The following HYDIN variants were observed in gnomAD, a reference collection of about 807,000 sequenced individuals.
The protein encoded by HYDIN is axonemal central pair apparatus protein HYDIN.
A neutral mutation model predicts 403.9 loss-of-function variants in HYDIN; 132 were observed. That is an observed-to-expected ratio of 0.33 (90% CI 0.28 to 0.38). The LOEUF (loss-of-function observed/expected upper bound fraction) is 0.38. HYDIN is among the 10% of genes least tolerant of loss of function. HYDIN has a pLI of 1.00. For missense variants in HYDIN, 2,827 were observed against 5,009.5 expected (o/e 0.56, Z 13.15); for synonymous variants, 1,202 against 1,891.7 (o/e 0.64, Z 9.46).
At position 71,178,894 on chromosome 16, in the gene HYDIN, G is replaced by C. The variant is rs771718210; in HGVS notation, c.381+34C>G. ...ACTTTAACCCATTCTCATATATCCT[G>C]GAACAGTTCACCCACCCCAGTGAAC... is the stretch of plus-strand genomic sequence containing the variant. On this transcript the variant is annotated intron_variant, in intron 4 of 85. Coordinates refer to ENST00000393567, the MANE Select transcript of HYDIN (RefSeq NM_001270974.2). The C allele has an allele frequency of 2.2e-5, 35 of 1,585,810 alleles. No homozygotes were observed. The Admixed American group carries it at 5.9e-4, about 27-fold the overall frequency.
chr16:70,841,369 T>A (rs2037807946), intron 75 of HYDIN, among the ~76,000 whole-genome samples: 1 of 152,108 alleles, frequency 6.6e-6, no homozygotes, highest in Non-Finnish European at 1.5e-5. Context: ...CTGAAAAAGT[T>A]CTCAAAAGGA....
rs182915918 is a variant in HYDIN at position 70,960,778 on chromosome 16, G to A, written c.5969-958C>T. ...ACAATCTTGGCTCACTGCAACCTCC[G>A]CCTCCCGGGTTCAAGTGATTCTCCT... On this transcript the variant is annotated intron_variant, in intron 38 of 85. Transcript: ENST00000393567. 9.9e-3 allele frequency among the ~76,000 whole-genome samples: 1,513 copies of A among 152,148 alleles called. 12 individuals are homozygous for A. Among genetic ancestry groups the A allele is most frequent in the Non-Finnish European group, 0.015 (1,051 of 68,000 alleles).
intron 1 of HYDIN, among the ~76,000 whole-genome samples, chr16:71,223,393 CTCT>C (rs1320103679): frequency 6.6e-6 from 1 of 152,134 alleles, no homozygotes; most frequent in Non-Finnish European, 1.5e-5. Context: ...ATTGGAAAAA[CTCT>C]TCTTCTGGCA....
At chr16:70,895,899 A>T (rs1163276731) in intron 54 of HYDIN, 82 bp downstream of exon 54, 11 of 1,477,388 alleles carry the variant, frequency 7.4e-6, no homozygotes, top group Non-Finnish European at 9.9e-6. Flanking sequence ...TACTAACAAC[A>T]CACTAGCCTT....
intron 44 of HYDIN, among the ~76,000 whole-genome samples, 159 bp downstream of exon 44, chr16:70,938,455 G>A (rs1321602309): frequency 6.6e-6 from 1 of 152,216 alleles, no homozygotes. Context: ...TTGATGGGCG[G>A]GATGCATCTT....
intron 41 of HYDIN, among the ~76,000 whole-genome samples, chr16:70,949,516 G>C (rs1444987093): frequency 6.6e-6 from 1 of 152,106 alleles, no homozygotes; most frequent in Non-Finnish European, 1.5e-5. Flanking sequence ...TTTCTAACTG[G>C]TGCTTTCCTG....
chr16:70,994,807 G>A (rs1002392519), intron 23 of HYDIN, among the ~76,000 whole-genome samples: 15 of 148,454 alleles, frequency 1.0e-4, no homozygotes, highest in South Asian at 2.1e-4. Context: ...AAAATCAGCC[G>A]AGGACAATTC....
chr16:71,027,111 C>T (rs2080734222), intron 20 of HYDIN: 9 of 1,030,920 alleles, frequency 8.7e-6, no homozygotes, highest in Middle Eastern at 9.3e-4. Context: ...ATCAGAGTTG[C>T]TGAAGATAAA....
intron 41 of HYDIN, among the ~76,000 whole-genome samples, chr16:70,949,905 C>T (rs1413702283): frequency 6.6e-6 from 1 of 152,244 alleles, no homozygotes; most frequent in Non-Finnish European, 1.5e-5. Flanking sequence ...AGAACAAAAC[C>T]CAAGGAAATG....
At chr16:70,919,438 G>A (rs1401368242) in intron 46 of HYDIN, among the ~76,000 whole-genome samples, 4 of 151,952 alleles carry the variant, frequency 2.6e-5, no homozygotes, top group African/African-American at 7.3e-5. Flanking sequence ...CGCCTGTGGT[G>A]CCACCCGGGA....
At chr16:71,208,915 C>T (rs149540172) in intron 1 of HYDIN, among the ~76,000 whole-genome samples, 2 of 152,050 alleles carry the variant, frequency 1.3e-5, no homozygotes, top group Admixed American at 1.3e-4. Context: ...AGCCTACGAA[C>T]CAAAGAAAGC....
At chr16:71,156,427 C>T (rs576691866) in intron 6 of HYDIN, among the ~76,000 whole-genome samples, 4 of 152,084 alleles carry the variant, frequency 2.6e-5, no homozygotes, top group Non-Finnish European at 5.9e-5. Context: ...ACAGGCTGAA[C>T]GGGCTAGAAA....
At chr16:71,107,712 C>G (rs1215456970) in intron 10 of HYDIN, among the ~76,000 whole-genome samples, 2 of 151,992 alleles carry the variant, frequency 1.3e-5, no homozygotes, top group East Asian at 3.9e-4. Flanking sequence ...AACACTTATA[C>G]ACTGTTGGTG....
At chr16:71,198,534 AC>A (rs1241844605) in intron 1 of HYDIN, among the ~76,000 whole-genome samples, 1 of 152,118 alleles carries the variant, frequency 6.6e-6, no homozygotes, top group East Asian at 1.9e-4. Context: ...AATGGCTGGA[AC>A]TGTCTGGGCT....
At chr16:71,203,738 G>A (rs1567448185) in intron 1 of HYDIN, 1 of 456,002 alleles carries the variant, frequency 2.2e-6, no homozygotes, top group Non-Finnish European at 4.4e-6. Context: ...TGTCTTTGCA[G>A]AGGCTCATAT....
At chr16:71,194,189 G>A (rs2087576758) in intron 1 of HYDIN, among the ~76,000 whole-genome samples, 1 of 152,134 alleles carries the variant, frequency 6.6e-6, no homozygotes, top group Non-Finnish European at 1.5e-5. Flanking sequence ...GAGGCAGGTA[G>A]ATCACAAGGT....
chr16:70,948,533 G>A (rs2143907938), intron 41 of HYDIN, among the ~76,000 whole-genome samples: 1 of 151,484 alleles, frequency 6.6e-6, no homozygotes, highest in South Asian at 2.1e-4. Context: ...CTACAAAATG[G>A]GAGAAAATTT....
intron 50 of HYDIN, among the ~76,000 whole-genome samples, chr16:70,905,923 C>A (rs912447900): frequency 6.6e-5 from 10 of 151,918 alleles, no homozygotes; most frequent in African/African-American, 2.4e-4. Context: ...CCATCATCAG[C>A]AAATTCCCTT....
At chr16:70,820,850 C>T (rs1482509237) in intron 83 of HYDIN, among the ~76,000 whole-genome samples, 37 of 152,060 alleles carry the variant, frequency 2.4e-4, no homozygotes, top group Non-Finnish European at 4.4e-4. Context: ...GGTTTCACCA[C>T]GTTGGCCAGG....
Sources: allele counts gnomAD v4.1 joint callset (sites outside exome capture counted in the v4.1 genomes callset), GRCh38; gene constraint gnomAD v4.1.1; transcripts MANE v1.5; gene names NCBI Gene and HGNC (gene_info 2026-07-23, HGNC 2026-07-21).